ANKMY2: variants seen among roughly 807,000 people sequenced by gnomAD.
The protein encoded by ANKMY2 is ankyrin repeat and MYND domain containing 2.
Under a neutral mutation model 50.4 loss-of-function variants are expected in ANKMY2, and 36 were observed. The ratio of observed to expected loss-of-function variants is 0.71; its 90% CI spans 0.55 to 0.94. The LOEUF (loss-of-function observed/expected upper bound fraction) is 0.94, where lower values mean the gene tolerates loss of function less well. Ranked by LOEUF, ANKMY2 falls within the 40% of genes least tolerant of loss-of-function variation. ANKMY2 has a pLI of 0.00. For synonymous variants in ANKMY2, 187 were observed against 178.8 expected (o/e 1.05, Z -0.36); for missense variants, 565 against 524.0 (o/e 1.08, Z -0.76).
At chr7:16,620,066 G>A (rs536729081) in intron 4 of ANKMY2, among the ~76,000 whole-genome samples, 13 of 152,238 alleles carry the variant, frequency 8.5e-5, no homozygotes, top group East Asian at 5.8e-4. Flanking sequence ...CAGAAAGAAA[G>A]GTATTAATAG....
chr7:16,635,311 T>C lies in ANKMY2; in HGVS notation c.132+1080A>G, dbSNP rs372089946. ...TTCTTGGAAATGCAAACTAATATATTGTGACTAAAAGCAAATTAATGCTTT... is the reference window on the plus strand; with the variant it reads ...TTCTTGGAAATGCAAACTAATATATCGTGACTAAAAGCAAATTAATGCTTT... On this transcript the variant is annotated intron_variant, in intron 2 of 9. Coordinates refer to ENST00000306999, the MANE Select transcript of ANKMY2 (RefSeq NM_020319.3). 2.3e-4 allele frequency among the ~76,000 whole-genome samples: 35 copies of C among 152,246 alleles called. No individual in the cohort carries two copies. The East Asian group carries it at 4.8e-3, about 21-fold the overall frequency.
chr7:16,638,605 G>A (rs537614486), intron 1 of ANKMY2, among the ~76,000 whole-genome samples: 39 of 152,282 alleles, frequency 2.6e-4, no homozygotes, highest in South Asian at 1.0e-3. Flanking sequence ...GATTACATAG[G>A]TGTGACCTAT....
At chr7:16,636,631 A>G (rs543842080) in intron 1 of ANKMY2, among the ~76,000 whole-genome samples, 176 bp from the exon 2 acceptor site, 1 of 152,320 alleles carries the variant, frequency 6.6e-6, no homozygotes, top group South Asian at 2.1e-4. Flanking sequence ...GTAATTGTCC[A>G]GTAGAATAGA....
intron 9 of ANKMY2, among the ~76,000 whole-genome samples, chr7:16,601,782 T>A (rs980211173): frequency 3.3e-5 from 5 of 152,124 alleles, no homozygotes; most frequent in Non-Finnish European, 7.3e-5. Context: ...TCCTCTCCAA[T>A]CTGATAATCA....
intron 2 of ANKMY2, among the ~76,000 whole-genome samples, chr7:16,631,024 T>C (rs917655113): frequency 1.3e-5 from 2 of 152,188 alleles, no homozygotes; most frequent in Non-Finnish European, 2.9e-5. Context: ...GTACTTCTAT[T>C]TGAACATTAA....
In ANKMY2 at chr7:16,609,623, G is replaced by C; in HGVS notation, c.882+7C>G. ...GATAGAGTCAACTTAGGTAAGAGGA[G>C]CCTTACAATTTCAACAGGAGCAATG... On this transcript the variant is annotated splice_region_variant and intron_variant, in intron 7 of 9. Coordinates refer to ENST00000306999, the MANE Select transcript of ANKMY2 (RefSeq NM_020319.3). The C allele has an allele frequency of 6.3e-7, 1 of 1,597,382 alleles. No individual in the cohort carries two copies. Among genetic ancestry groups the C allele is most frequent in the Non-Finnish European group, 8.5e-7 (1 of 1,175,342 alleles).
intron 2 of ANKMY2, among the ~76,000 whole-genome samples, chr7:16,632,850 C>A (rs10452775): frequency 0.026 from 3,929 of 152,206 alleles, 184 homozygotes; most frequent in African/African-American, 0.089. Context: ...AGTGGCTACA[C>A]GATTTAACAT....
At chr7:16,635,983 G>A (rs1384058574) in intron 2 of ANKMY2, among the ~76,000 whole-genome samples, 1 of 151,908 alleles carries the variant, frequency 6.6e-6, no homozygotes. Flanking sequence ...TGTAATATGA[G>A]CAAAAATGCT....
chr7:16,634,432 C>T (rs1002937585), intron 2 of ANKMY2, among the ~76,000 whole-genome samples: 8 of 152,130 alleles, frequency 5.3e-5, no homozygotes, highest in African/African-American at 1.9e-4. Flanking sequence ...CTGAGCCTGG[C>T]AGACTGCATT....
chr7:16,609,793 G>A, intron 6 of ANKMY2, 28 bp from the exon 7 acceptor site: 1 of 1,605,114 alleles, frequency 6.2e-7, no homozygotes, highest in Non-Finnish European at 8.5e-7. Context: ...AAGCGTAATT[G>A]GAGTTGAATC....
At chr7:16,632,000 T>G (rs1042899449) in intron 2 of ANKMY2, among the ~76,000 whole-genome samples, 6 of 152,178 alleles carry the variant, frequency 3.9e-5, no homozygotes, top group Non-Finnish European at 8.8e-5. Context: ...GTTATCTTAA[T>G]AAAAAAGTTA....
intron 5 of ANKMY2, among the ~76,000 whole-genome samples, chr7:16,613,469 G>C (rs71540757): frequency 6.6e-6 from 1 of 152,004 alleles, no homozygotes; most frequent in Non-Finnish European, 1.5e-5. Flanking sequence ...AAAAGGTTTC[G>C]AGCGAATAGA....
chr7:16,645,387 C>T (rs559702464), intron 1 of ANKMY2, 120 bp downstream of exon 1: 2 of 977,532 alleles, frequency 2.0e-6, no homozygotes, highest in Non-Finnish European at 2.9e-6. Context: ...TTTCCCGGTT[C>T]CAGGCTGCAA....
rs1156842735 is a variant in ANKMY2, at chr7:16,627,194, GA to G, written c.133-17del. 9.1e-6 allele frequency: 14 copies of G among 1,537,466 alleles called. No homozygotes were observed. Among genetic ancestry groups the G allele is most frequent in the Non-Finnish European group, 1.1e-5 (12 of 1,132,466 alleles). ...TCATTCCATTCTTTAATAGAAAGAG[GA>G]AAAAAGTATTAATTTTACTGTTTTA... On this transcript the variant is annotated splice_polypyrimidine_tract_variant and intron_variant, in intron 2 of 9. Coordinates refer to ENST00000306999, the MANE Select transcript of ANKMY2 (RefSeq NM_020319.3).
intron 1 of ANKMY2, 94 bp from the exon 2 acceptor site, chr7:16,636,549 G>T: frequency 2.2e-6 from 2 of 904,528 alleles, no homozygotes; most frequent in Non-Finnish European, 3.3e-6. Flanking sequence ...GGAGTTATCT[G>T]TAAGAGTACA....
rs533242330 is a variant in ANKMY2 at position 16,611,875 on chromosome 7, A to G, written c.532-1112T>C. Among the ~76,000 whole-genome samples the G allele has an allele frequency of 6.6e-5, 10 of 152,282 alleles. 1 individual carries two copies. The highest frequency in any genetic ancestry group is 2.4e-4 in the African/African-American group (10 of 41,560). ...CAATCAGCATGCACTCCCCTTTCTGAGTCCATAAAAGGACCTGGACCCAGG... is the reference window on the plus strand; with the variant it reads ...CAATCAGCATGCACTCCCCTTTCTGGGTCCATAAAAGGACCTGGACCCAGG... On this transcript the variant is annotated intron_variant, in intron 5 of 9. Coordinates refer to ENST00000306999, the MANE Select transcript of ANKMY2 (RefSeq NM_020319.3).
Position 16,602,437 on chromosome 7 carries a change from C to T in ANKMY2, c.1084G>A (p.Asp362Asn). 2 of 1,613,844 alleles carry T rather than the reference C, an allele frequency of 1.2e-6. No homozygotes were observed. The highest frequency in any genetic ancestry group is 1.7e-6 in the Non-Finnish European group (2 of 1,179,966). ...THKKICKNLK[D>N]IYEKQQLEAA... Reference sequence around the variant, plus strand: ...TCCAACTGTTGCTTTTCGTAAATGTCCTTCAGATTCTTACAGATTTTCTTA... The same window carrying T: ...TCCAACTGTTGCTTTTCGTAAATGTTCTTCAGATTCTTACAGATTTTCTTA... Residue 362 changes from aspartate (D) to asparagine (N), a missense_variant, in exon 9 of 10, where the codon GAC becomes AAC. Coordinates refer to ENST00000306999, the MANE Select transcript of ANKMY2 (RefSeq NM_020319.3).
chr7:16,633,969 A>C (rs1287443597), intron 2 of ANKMY2, among the ~76,000 whole-genome samples: 1 of 152,170 alleles, frequency 6.6e-6, no homozygotes, highest in South Asian at 2.1e-4. Context: ...TTAATATATA[A>C]GACAGAATAT....
At chr7:16,640,033 G>T (rs942732094) in intron 1 of ANKMY2, among the ~76,000 whole-genome samples, 13 of 151,986 alleles carry the variant, frequency 8.6e-5, no homozygotes, top group Non-Finnish European at 1.9e-4. Context: ...AGGTGTAGTG[G>T]TGCGTGCTCG....
Sources: gnomAD v4.1 joint callset for allele counts (sites outside exome capture counted in the v4.1 genomes callset) on GRCh38, gnomAD v4.1.1 for gene constraint, MANE v1.5 for transcripts, NCBI Gene and HGNC (gene_info 2026-07-23, HGNC 2026-07-21) for gene names.